Variants in GLYATL1B observed in about 807,000 individuals in gnomAD.
GLYATL1B encodes the protein glycine-N-acyltransferase like 1B.
Under a neutral mutation model 5.5 loss-of-function variants are expected in GLYATL1B, and 6 were observed. That is an observed-to-expected ratio of 1.09 (90% CI 0.60 to 2.15). The LOEUF is 2.15. Ranked by LOEUF, GLYATL1B falls within the 30% of genes most tolerant of loss-of-function variation. The pLI, the probability that GLYATL1B is intolerant of heterozygous loss-of-function variation, is 0.00. For synonymous variants in GLYATL1B, 67 were observed against 34.9 expected (o/e 1.92, Z -3.24); for missense variants, 135 against 94.1 (o/e 1.43, Z -1.80).
chr11:59,089,363 T>G (rs1053004122), intron 2 of GLYATL1B, among the ~76,000 whole-genome samples: 1 of 152,206 alleles, frequency 6.6e-6, no homozygotes, highest in Non-Finnish European at 1.5e-5. Flanking sequence ...TCAATGCAAT[T>G]GGTTTCCAAA....
chr11:59,091,541 T>C (rs1859310198), intron 2 of GLYATL1B, among the ~76,000 whole-genome samples: 1 of 152,232 alleles, frequency 6.6e-6, no homozygotes. Context: ...CTCACATTTA[T>C]GTCCATGTAT....
intron 1 of GLYATL1B, 110 bp downstream of exon 1, chr11:59,086,494 G>A: frequency 2.5e-6 from 1 of 394,864 alleles, no homozygotes; most frequent in East Asian, 3.6e-5. Context: ...GTTGGAGCTG[G>A]GAAACAGGAT....
At chr11:59,092,935 T>G (rs1201724422) in intron 2 of GLYATL1B, among the ~76,000 whole-genome samples, 1 of 152,204 alleles carries the variant, frequency 6.6e-6, no homozygotes, top group Non-Finnish European at 1.5e-5. Flanking sequence ...ACAATATAGA[T>G]TGTAGGTGTC....
chr11:59,090,442 T>C (rs1859284627), intron 2 of GLYATL1B, among the ~76,000 whole-genome samples: 1 of 152,024 alleles, frequency 6.6e-6, no homozygotes, highest in Admixed American at 6.5e-5. Context: ...TTTTTCAGTT[T>C]CTGTTCTATG....
At chr11:59,090,183 C>A (rs1859278170) in intron 2 of GLYATL1B, among the ~76,000 whole-genome samples, 1 of 151,904 alleles carries the variant, frequency 6.6e-6, no homozygotes, top group Non-Finnish European at 1.5e-5. Flanking sequence ...CATGCTATTT[C>A]ATTGTTTTGT....
intron 2 of GLYATL1B, among the ~76,000 whole-genome samples, chr11:59,092,084 C>T (rs184428853): frequency 8.1e-4 from 123 of 151,966 alleles, no homozygotes; most frequent in African/African-American, 2.7e-3. Context: ...GAATATGTTG[C>T]CTTGGAGTAG....
At position 59,094,510 on chromosome 11, in the gene GLYATL1B, G is replaced by A; in HGVS notation, c.633G>A (p.Leu211=). ...GAGCCCTGCCAGCAGCCTGTATGCTGGGCCCAGAGGGGGTCCCGGTCTCAT... is the reference window on the plus strand; with the variant it reads ...GAGCCCTGCCAGCAGCCTGTATGCTAGGCCCAGAGGGGGTCCCGGTCTCAT... ...CLGALPAACM[L]GPEGVPVSWV... is the part of the protein sequence containing the mutation. The change falls in exon 5 of 5, where the codon CTG becomes CTA. Residue 211 remains leucine (L), a synonymous_variant. Coordinates refer to ENST00000527482, the MANE Select transcript of GLYATL1B (RefSeq NM_001355566.1). 2.5e-6 allele frequency: 2 copies of A among 793,656 alleles called. No individual in the cohort carries two copies. The allele number at this position is 793,656 out of a possible 1,614,324, so 49.2% of individuals were successfully genotyped here.
chr11:59,093,676 G>A (rs1181441212), intron 3 of GLYATL1B, 21 bp downstream of exon 3: 12 of 485,310 alleles, frequency 2.5e-5, no homozygotes, highest in Non-Finnish European at 4.3e-5. Flanking sequence ...TGAAGAAATG[G>A]GCAAGCAGCT....
chr11:59,090,216 A>G (rs1169629901), intron 2 of GLYATL1B, among the ~76,000 whole-genome samples: 1 of 152,002 alleles, frequency 6.6e-6, no homozygotes, highest in Non-Finnish European at 1.5e-5. Flanking sequence ...TATCTAATAA[A>G]GCAAATCACC....
chr11:59,087,552 T>A (rs559735184), intron 2 of GLYATL1B, among the ~76,000 whole-genome samples: 4 of 152,084 alleles, frequency 2.6e-5, no homozygotes, highest in South Asian at 2.1e-4. Context: ...ACCAGTAAAA[T>A]TACATCTCAT....
intron 2 of GLYATL1B, among the ~76,000 whole-genome samples, chr11:59,089,487 CA>C (rs1859263710): frequency 6.6e-6 from 1 of 152,142 alleles, no homozygotes; most frequent in African/African-American, 2.4e-5. Context: ...AATTGTTTCC[CA>C]CATTCTCATC....
At position 59,093,953 on chromosome 11, in the gene GLYATL1B, T is replaced by C. The variant is rs1481766948; in HGVS notation, c.333T>C (p.Gly111=). Residue 111 remains glycine (G), a synonymous_variant, in exon 4 of 5, where the codon GGT becomes GGC. Coordinates refer to ENST00000527482, the MANE Select transcript of GLYATL1B (RefSeq NM_001355566.1). ...LQIQGFQESL[G]EGIRAAAFSN... Reference sequence around the variant, plus strand: ...TCTCAGGTTTTCAAGAAAGTTTAGGTGAGGGGATAAGAGCAGCTGCATTTT... The same window carrying C: ...TCTCAGGTTTTCAAGAAAGTTTAGGCGAGGGGATAAGAGCAGCTGCATTTT... 1.5e-6 allele frequency: 1 copy of C among 683,500 alleles called. No homozygotes were observed. The highest frequency in any genetic ancestry group is 2.6e-6 in the Non-Finnish European group (1 of 378,312). The allele number at this position is 683,500 out of a possible 1,614,324, so 42.3% of individuals were successfully genotyped here.
At position 59,094,715 on chromosome 11, in the gene GLYATL1B, C is replaced by G; in HGVS notation, c.838C>G (p.Leu280Val). 2.2e-6 allele frequency: 1 copy of G among 459,430 alleles called. No homozygotes were observed. Among genetic ancestry groups the G allele is most frequent in the Non-Finnish European group, 4.0e-6 (1 of 252,640 alleles). The allele number at this position is 459,430 out of a possible 1,614,324, so 28.5% of individuals were successfully genotyped here. ...NQGVIRKTSA[L>V]GFLEASCQWH... ...AGGCGTCATCAGAAAGACTAGTGCA[C>G]TAGGTTTCCTTGAGGCCTCCTGTCA... Residue 280 changes from leucine (L) to valine (V), a missense_variant, in exon 5 of 5, where the codon CTA (leucine) becomes GTA (valine). Leu to Val is a conservative substitution (Grantham distance 32, BLOSUM62 1). Transcript: ENST00000527482.
chr11:59,094,544 A>T lies in GLYATL1B; in HGVS notation c.667A>T (p.Met223Leu), dbSNP rs1590875582. ...PEGVPVSWVT[M>L]DPSCEIGMGY... Reference sequence around the variant, plus strand: ...GGGGGTCCCGGTCTCATGGGTAACCATGGACCCTTCTTGTGAAATAGGAAT... The same window carrying T: ...GGGGGTCCCGGTCTCATGGGTAACCTTGGACCCTTCTTGTGAAATAGGAAT... The change falls in exon 5 of 5, where the codon ATG (methionine) becomes TTG (leucine). Residue 223 changes from methionine (M) to leucine (L), a missense_variant. Transcript: ENST00000527482. 1 of 707,452 alleles carries T rather than the reference A, an allele frequency of 1.4e-6. No homozygotes were observed. Among genetic ancestry groups the T allele is most frequent in the Non-Finnish European group, 2.3e-6 (1 of 428,416 alleles). The allele number at this position is 707,452 out of a possible 1,614,324, so 43.8% of individuals were successfully genotyped here. A position where few individuals can be genotyped will look rare whatever the true frequency, so the allele number is the denominator to read the frequency against.
chr11:59,086,564 T>C (rs1215623150), intron 1 of GLYATL1B, among the ~76,000 whole-genome samples, 180 bp downstream of exon 1: 5 of 152,088 alleles, frequency 3.3e-5, no homozygotes, highest in Admixed American at 1.3e-4. Context: ...AACAGGCAAC[T>C]AGGCCGACTC....
intron 2 of GLYATL1B, among the ~76,000 whole-genome samples, chr11:59,092,318 T>G (rs1370719711): frequency 2.0e-5 from 3 of 152,174 alleles, no homozygotes; most frequent in Non-Finnish European, 4.4e-5. Flanking sequence ...ATTTCATTAT[T>G]TATGGCTTTC....
intron 2 of GLYATL1B, 37 bp downstream of exon 2, chr11:59,087,208 G>GT: frequency 1.9e-6 from 1 of 537,660 alleles, no homozygotes. Flanking sequence ...AGCCAGGCAG[G>GT]TCCAAAGGGC....
chr11:59,087,898 C>T (rs949786493), intron 2 of GLYATL1B, among the ~76,000 whole-genome samples: 1 of 152,156 alleles, frequency 6.6e-6, no homozygotes, highest in South Asian at 2.1e-4. Flanking sequence ...CACACAATTA[C>T]TTTGTGTCAA....
chr11:59,087,609 C>G (rs1859217056), intron 2 of GLYATL1B, among the ~76,000 whole-genome samples: 1 of 152,126 alleles, frequency 6.6e-6, no homozygotes, highest in Non-Finnish European at 1.5e-5. Context: ...CTTTGGGAGG[C>G]CAAGGCAGGA....
Sources: gnomAD v4.1 joint callset for allele counts (sites outside exome capture counted in the v4.1 genomes callset) on GRCh38, gnomAD v4.1.1 for gene constraint, MANE v1.5 for transcripts, NCBI Gene and HGNC (gene_info 2026-07-23, HGNC 2026-07-21) for gene names.